Variants in E2F3 observed in about 807,000 individuals in gnomAD.
The protein encoded by E2F3 is E2F transcription factor 3, also known as transcription factor E2F3.
Under a neutral mutation model 44.4 loss-of-function variants are expected in E2F3, and 11 were observed. The ratio of observed to expected loss-of-function variants is 0.25; its 90% CI spans 0.16 to 0.41. The LOEUF is 0.41. Ranked by LOEUF, E2F3 falls within the 10% of genes least tolerant of loss-of-function variation. The pLI, the probability that E2F3 is intolerant of heterozygous loss-of-function variation, is 1.00. For missense variants in E2F3, 487 were observed against 583.6 expected (o/e 0.83, Z 1.70); for synonymous variants, 249 against 253.0 (o/e 0.98, Z 0.15).
At chr6:20,436,776 A>C (rs2127595030) in intron 1 of E2F3, among the ~76,000 whole-genome samples, 1 of 152,294 alleles carries the variant, frequency 6.6e-6, no homozygotes, top group South Asian at 2.1e-4. Flanking sequence ...ACTTCTACTA[A>C]AGCATAATGG....
chr6:20,488,983 C>T (rs1468775431), intron 6 of E2F3, among the ~76,000 whole-genome samples: 1 of 151,902 alleles, frequency 6.6e-6, no homozygotes, highest in Admixed American at 6.6e-5. Flanking sequence ...CAGAGTGAGA[C>T]TCCATCTCAA....
chr6:20,441,829 A>G (rs757573608), intron 1 of E2F3, among the ~76,000 whole-genome samples: 10 of 150,208 alleles, frequency 6.7e-5, no homozygotes, highest in Admixed American at 2.0e-4. Flanking sequence ...TGGCCTCCCA[A>G]CGTGCTGGGA....
At chr6:20,404,888 T>G (rs1033486452) in intron 1 of E2F3, among the ~76,000 whole-genome samples, 1 of 152,236 alleles carries the variant, frequency 6.6e-6, no homozygotes, top group Non-Finnish European at 1.5e-5. Flanking sequence ...TTGGACATAT[T>G]TTAAGCATAT....
At chr6:20,444,596 T>C (rs1209008261) in intron 1 of E2F3, among the ~76,000 whole-genome samples, 3 of 152,218 alleles carry the variant, frequency 2.0e-5, no homozygotes, top group African/African-American at 7.2e-5. Context: ...TCTGCCTGCC[T>C]TGTTATTGCT....
At chr6:20,470,564 T>C (rs1285428559) in intron 1 of E2F3, among the ~76,000 whole-genome samples, 1 of 150,160 alleles carries the variant, frequency 6.7e-6, no homozygotes, top group Non-Finnish European at 1.5e-5. Flanking sequence ...ATTTCACTGA[T>C]GTACTTAACT....
intron 1 of E2F3, among the ~76,000 whole-genome samples, chr6:20,460,892 AG>A (rs1165711754): frequency 1.4e-5 from 2 of 145,732 alleles, no homozygotes; most frequent in Non-Finnish European, 3.0e-5. Context: ...GCTACATGGG[AG>A]GCTGAGGCAG....
intron 1 of E2F3, among the ~76,000 whole-genome samples, chr6:20,450,471 T>C (rs1761093214): frequency 6.6e-6 from 1 of 152,198 alleles, no homozygotes; most frequent in African/African-American, 2.4e-5. Flanking sequence ...TTAATGGGGC[T>C]GTTTGTTTTT....
At chr6:20,427,118 A>G (rs1278498531) in intron 1 of E2F3, among the ~76,000 whole-genome samples, 1 of 152,204 alleles carries the variant, frequency 6.6e-6, no homozygotes, top group Non-Finnish European at 1.5e-5. Flanking sequence ...TTTTGCATAT[A>G]TAATAAGAAG....
chr6:20,402,095 AAG>A lies in E2F3; in HGVS notation c.-129_-128del, dbSNP rs4134935. ...GTGCGGTGCGGAAAAATAAAAAGAA[AAG>A]AGAGAGAGGGGGCTCGGAAGCGCCG... On this transcript the variant is annotated 5_prime_UTR_variant, in exon 1 of 7. Coordinates refer to ENST00000346618, the MANE Select transcript of E2F3 (RefSeq NM_001949.5). The surrounding 1 kb of genome is among the most constrained non-coding windows in gnomAD (Gnocchi z 5.6). 1,087 of 1,376,418 alleles carry A rather than the reference AAG, an allele frequency of 7.9e-4. 4 individuals are homozygous for A. The highest frequency in any genetic ancestry group is 4.0e-3 in the African/African-American group (261 of 65,732). The allele number at this position is 1,376,418 out of a possible 1,614,324, so 85.3% of individuals were successfully genotyped here.
At chr6:20,464,755 C>T (rs939467563) in intron 1 of E2F3, among the ~76,000 whole-genome samples, 30 of 152,310 alleles carry the variant, frequency 2.0e-4, no homozygotes, top group African/African-American at 6.7e-4. Flanking sequence ...TAAAGAGACA[C>T]AGCTATTTCT....
intron 1 of E2F3, among the ~76,000 whole-genome samples, chr6:20,412,134 G>C (rs1461352634): frequency 6.6e-6 from 1 of 152,158 alleles, no homozygotes; most frequent in African/African-American, 2.4e-5. Context: ...ACAGGCGGTA[G>C]GGAGAAAACA....
intron 1 of E2F3, among the ~76,000 whole-genome samples, chr6:20,415,945 C>T (rs1173186110): frequency 1.3e-5 from 2 of 152,200 alleles, no homozygotes; most frequent in Non-Finnish European, 2.9e-5. Flanking sequence ...ACTTTCTGCT[C>T]AGGGTCAACT....
At chr6:20,464,832 T>C (rs537569667) in intron 1 of E2F3, among the ~76,000 whole-genome samples, 1 of 152,324 alleles carries the variant, frequency 6.6e-6, no homozygotes, top group African/African-American at 2.4e-5. Flanking sequence ...ACCCTTACTT[T>C]CCTAACTGTA....
intron 1 of E2F3, among the ~76,000 whole-genome samples, chr6:20,416,688 A>G (rs1009279454): frequency 6.6e-6 from 1 of 152,286 alleles, no homozygotes; most frequent in Admixed American, 6.5e-5. Flanking sequence ...CAATGCACCA[A>G]GTTTGTGTGT....
At chr6:20,456,330 T>C (rs1026003667) in intron 1 of E2F3, among the ~76,000 whole-genome samples, 1 of 151,312 alleles carries the variant, frequency 6.6e-6, no homozygotes, top group Non-Finnish European at 1.5e-5. Flanking sequence ...AAAAAAAAAA[T>C]TAGGTTCTAT....
intron 1 of E2F3, among the ~76,000 whole-genome samples, chr6:20,408,242 C>T (rs1473836150): frequency 6.6e-6 from 1 of 152,070 alleles, no homozygotes; most frequent in African/African-American, 2.4e-5. Flanking sequence ...CAGAAAGTGA[C>T]GAGGAAAATG....
At chr6:20,484,184 G>A (rs536155675) in intron 4 of E2F3, among the ~76,000 whole-genome samples, 1 of 152,294 alleles carries the variant, frequency 6.6e-6, no homozygotes, top group African/African-American at 2.4e-5. Flanking sequence ...CTCTCTCTGG[G>A]GCCTTTGTTG....
chr6:20,409,250 G>A (rs1284276875), intron 1 of E2F3, among the ~76,000 whole-genome samples: 1 of 152,228 alleles, frequency 6.6e-6, no homozygotes, highest in Admixed American at 6.5e-5. Flanking sequence ...ACAGTTGGCT[G>A]TGGGGGTAAT....
At chr6:20,428,430 C>T (rs1165808112) in intron 1 of E2F3, among the ~76,000 whole-genome samples, 2 of 152,152 alleles carry the variant, frequency 1.3e-5, no homozygotes, top group Non-Finnish European at 2.9e-5. Context: ...ACCATACTGG[C>T]CAGGCTGGTC....
Sources: allele counts gnomAD v4.1 joint callset (sites outside exome capture counted in the v4.1 genomes callset), GRCh38; gene constraint gnomAD v4.1.1; non-coding constraint Gnocchi (gnomAD v3.1); transcripts MANE v1.5; gene names NCBI Gene and HGNC (gene_info 2026-07-23, HGNC 2026-07-21).